The following GTF2F2 variants were observed in gnomAD, a reference collection of about 807,000 sequenced individuals.
The protein encoded by GTF2F2 is general transcription factor IIF subunit 2.
A neutral mutation model predicts 42.2 loss-of-function variants in GTF2F2; 23 were observed. The ratio of observed to expected loss-of-function variants is 0.55; its 90% CI spans 0.39 to 0.77. GTF2F2 has a LOEUF of 0.77. GTF2F2 is among the 30% of genes least tolerant of loss of function. GTF2F2 has a pLI of 0.00. For synonymous variants in GTF2F2, 105 were observed against 100.8 expected, an observed-to-expected ratio of 1.04 and a Z score of -0.25; for missense variants, 261 against 287.2, an observed-to-expected ratio of 0.91 and a Z score of 0.66.
intron 5 of GTF2F2, among the ~76,000 whole-genome samples, chr13:45,218,806 A>C (rs1873990955): frequency 6.6e-6 from 1 of 152,216 alleles, no homozygotes; most frequent in African/African-American, 2.4e-5. Context: ...ACTATTAGGA[A>C]GAACTAATTT....
intron 4 of GTF2F2, among the ~76,000 whole-genome samples, chr13:45,173,053 G>C (rs1167613308): frequency 1.3e-5 from 2 of 152,086 alleles, no homozygotes; most frequent in Non-Finnish European, 2.9e-5. Context: ...AATTTGAAGA[G>C]TATTGCCATC....
chr13:45,129,105 A>G (rs1348833994), intron 1 of GTF2F2, among the ~76,000 whole-genome samples: 1 of 152,192 alleles, frequency 6.6e-6, no homozygotes, highest in Admixed American at 6.5e-5. Context: ...AAGAGTTCCA[A>G]AGCTTCCAAA....
chr13:45,219,017 G>GT (rs1303763114), intron 5 of GTF2F2, among the ~76,000 whole-genome samples: 1 of 151,764 alleles, frequency 6.6e-6, no homozygotes, highest in East Asian at 1.9e-4. Flanking sequence ...GATGTTGGGG[G>GT]TTTTTTTGTT....
At chr13:45,134,871 A>AT (rs1869534549) in intron 1 of GTF2F2, among the ~76,000 whole-genome samples, 1 of 151,556 alleles carries the variant, frequency 6.6e-6, no homozygotes, top group Non-Finnish European at 1.5e-5. Context: ...GGAGAATGTG[A>AT]TTTTGCAGGG....
chr13:45,219,070 A>C (rs1343032195), intron 5 of GTF2F2, among the ~76,000 whole-genome samples: 1 of 151,964 alleles, frequency 6.6e-6, no homozygotes, highest in African/African-American at 2.4e-5. Flanking sequence ...AAAGGAAATG[A>C]CTTTCAGCTA....
At chr13:45,281,063 T>A (rs1877240887) in intron 7 of GTF2F2, among the ~76,000 whole-genome samples, 1 of 152,264 alleles carries the variant, frequency 6.6e-6, no homozygotes, top group Non-Finnish European at 1.5e-5. Context: ...ATGAACAGTG[T>A]CCTGTTTTTT....
chr13:45,220,452 G>C (rs918478155), intron 5 of GTF2F2, among the ~76,000 whole-genome samples: 1 of 152,012 alleles, frequency 6.6e-6, no homozygotes. Context: ...ATTGGCACAG[G>C]CAGTAAATAC....
intron 4 of GTF2F2, among the ~76,000 whole-genome samples, chr13:45,159,452 G>T (rs560004658): frequency 1.3e-5 from 2 of 152,268 alleles, no homozygotes; most frequent in East Asian, 1.9e-4. Flanking sequence ...GCGCAGTGGC[G>T]CGATCTCGGC....
At chr13:45,150,946 CTTTTTG>C (rs1331898170) in intron 3 of GTF2F2, among the ~76,000 whole-genome samples, 1 of 151,760 alleles carries the variant, frequency 6.6e-6, no homozygotes, top group Non-Finnish European at 1.5e-5. Flanking sequence ...CCCCATTATT[CTTTTTG>C]TTTTTGTTTT....
At chr13:45,185,754 T>C (rs1379286208) in intron 4 of GTF2F2, among the ~76,000 whole-genome samples, 1 of 152,208 alleles carries the variant, frequency 6.6e-6, no homozygotes, top group East Asian at 1.9e-4. Context: ...GAAAATGCAC[T>C]AAATCATTTA....
intron 7 of GTF2F2, among the ~76,000 whole-genome samples, chr13:45,275,918 A>G (rs2138274701): frequency 6.6e-6 from 1 of 152,364 alleles, no homozygotes; most frequent in Non-Finnish European, 1.5e-5. Flanking sequence ...CAGTCCCACC[A>G]ACAGGGTAAA....
intron 4 of GTF2F2, chr13:45,207,120 CTTTAA>C: frequency 3.9e-6 from 1 of 258,622 alleles, no homozygotes; most frequent in Non-Finnish European, 7.5e-6. Context: ...CCTTTATACT[CTTTAA>C]TTTGATTTTA....
intron 5 of GTF2F2, among the ~76,000 whole-genome samples, chr13:45,247,796 C>G (rs1364463745): frequency 1.3e-5 from 2 of 152,136 alleles, no homozygotes; most frequent in Non-Finnish European, 2.9e-5. Context: ...GAATACCATT[C>G]TGAAGTTACC....
chr13:45,193,389 T>C (rs1872730812), intron 4 of GTF2F2: 1 of 158,442 alleles, frequency 6.3e-6, no homozygotes, highest in South Asian at 2.0e-4. Context: ...TAGAAAAGGA[T>C]TTTAAATATT....
chr13:45,248,859 A>G (rs989134728), intron 5 of GTF2F2, among the ~76,000 whole-genome samples: 1 of 152,148 alleles, frequency 6.6e-6, no homozygotes, highest in Non-Finnish European at 1.5e-5. Context: ...TTATTTTTCT[A>G]TTTGTTTCCT....
chr13:45,146,068 C>T (rs536116460), intron 2 of GTF2F2, among the ~76,000 whole-genome samples: 1 of 152,238 alleles, frequency 6.6e-6, no homozygotes, highest in African/African-American at 2.4e-5. Flanking sequence ...CCTGCTTCAC[C>T]CCAGTGGCAT....
chr13:45,157,223 C>T (rs1566117456), intron 4 of GTF2F2, among the ~76,000 whole-genome samples: 1 of 151,962 alleles, frequency 6.6e-6, no homozygotes, highest in Non-Finnish European at 1.5e-5. Context: ...GGCATGTTCA[C>T]GGAGTGGCCA....
chr13:45,127,444 G>GCCTCCA (rs1426518632), intron 1 of GTF2F2, among the ~76,000 whole-genome samples: 1 of 151,516 alleles, frequency 6.6e-6, no homozygotes, highest in African/African-American at 2.4e-5. Flanking sequence ...TCCTGCCTCA[G>GCCTCCA]CCTCCTGAGT....
chr13:45,214,365 A>G (rs1475199366), intron 5 of GTF2F2, among the ~76,000 whole-genome samples: 1 of 152,188 alleles, frequency 6.6e-6, no homozygotes, highest in Non-Finnish European at 1.5e-5. Context: ...ACCCCAAGAA[A>G]TGACCTTCAG....
Sources: gnomAD v4.1 joint callset for allele counts (sites outside exome capture counted in the v4.1 genomes callset) on GRCh38, gnomAD v4.1.1 for gene constraint, MANE v1.5 for transcripts, NCBI Gene and HGNC (gene_info 2026-07-23, HGNC 2026-07-21) for gene names.